PRKCE: variants seen among roughly 807,000 people sequenced by gnomAD.
PRKCE encodes protein kinase C epsilon, also known as protein kinase C epsilon type.
PRKCE carries 16 observed loss-of-function variants against 85.4 expected under a neutral mutation model. The ratio of observed to expected loss-of-function variants is 0.19; its 90% CI spans 0.13 to 0.28. The LOEUF (loss-of-function observed/expected upper bound fraction) is 0.28, where lower values mean the gene tolerates loss of function less well. Ranked by LOEUF, PRKCE falls within the 10% of genes least tolerant of loss-of-function variation. PRKCE has a pLI of 1.00. For missense variants in PRKCE, 573 were observed against 975.2 expected (o/e 0.59, Z 5.49); for synonymous variants, 388 against 371.5 (o/e 1.04, Z -0.51).
intron 9 of PRKCE, 85 bp downstream of exon 9, chr2:46,007,746 A>C: frequency 7.1e-7 from 1 of 1,408,252 alleles, no homozygotes; most frequent in Non-Finnish European, 9.6e-7. Flanking sequence ...TTGAGAGAGG[A>C]ACCTTTCAGC....
chr2:46,114,293 G>A (rs183166368), intron 11 of PRKCE, among the ~76,000 whole-genome samples: 15 of 151,912 alleles, frequency 9.9e-5, no homozygotes, highest in Non-Finnish European at 1.9e-4. Context: ...AGTGTCCAGC[G>A]ATCAGGGGGG....
At chr2:45,754,130 A>G (rs998946262) in intron 1 of PRKCE, among the ~76,000 whole-genome samples, 3 of 152,144 alleles carry the variant, frequency 2.0e-5, no homozygotes, top group Admixed American at 2.0e-4. Context: ...GCAACAAGTG[A>G]CCCAGAGCTG....
chr2:45,796,179 C>G (rs1253802900), intron 1 of PRKCE, among the ~76,000 whole-genome samples: 1 of 152,142 alleles, frequency 6.6e-6, no homozygotes, highest in Non-Finnish European at 1.5e-5. Flanking sequence ...ATGCCTGCCC[C>G]AGTTAGTTGT....
At chr2:45,716,697 AG>A (rs1680148854) in intron 1 of PRKCE, among the ~76,000 whole-genome samples, 3 of 110,096 alleles carry the variant, frequency 2.7e-5, no homozygotes, top group Non-Finnish European at 5.9e-5. Context: ...AAGAGAAGGA[AG>A]GAAGGAAGGA....
At chr2:45,667,165 G>A (rs1036336581) in intron 1 of PRKCE, among the ~76,000 whole-genome samples, 2 of 152,118 alleles carry the variant, frequency 1.3e-5, no homozygotes, top group Admixed American at 1.3e-4. Context: ...ACAAAAAGTA[G>A]CCGGATGTGG....
Position 45,905,392 on chromosome 2 carries a change from A to G in PRKCE, c.412+62329A>G, listed in dbSNP as rs1459311794. ...CAGCTTCTAAACATTATACATATTG[A>G]TGAGCTGATTGCTAGGAGACTAGTG... On this transcript the variant is annotated intron_variant, in intron 2 of 14. Coordinates refer to ENST00000306156, the MANE Select transcript of PRKCE (RefSeq NM_005400.3). This position sits in a 1 kb window ranked among gnomAD's most constrained non-coding sequence, Gnocchi z 4.4. 2.0e-5 allele frequency among the ~76,000 whole-genome samples: 3 copies of G among 152,250 alleles called. No individual in the cohort carries two copies. The highest frequency in any genetic ancestry group is 7.2e-5 in the African/African-American group (3 of 41,470).
At chr2:45,779,250 A>G (rs1004327553) in intron 1 of PRKCE, among the ~76,000 whole-genome samples, 15 of 152,238 alleles carry the variant, frequency 9.9e-5, no homozygotes, top group African/African-American at 3.6e-4. Flanking sequence ...GCTCCTGGCC[A>G]ACTTGTAGAG....
Position 45,687,486 on chromosome 2 carries a change from G to C in PRKCE, c.348+35038G>C, listed in dbSNP as rs625101. On this transcript the variant is annotated intron_variant, in intron 1 of 14. Coordinates refer to ENST00000306156, the MANE Select transcript of PRKCE (RefSeq NM_005400.3). Reference sequence around the variant, plus strand: ...CATAATGGGAACATAAATTGGAACAGCTTCTACAGTGGGTGTTTTGATAAT... The same window carrying C: ...CATAATGGGAACATAAATTGGAACACCTTCTACAGTGGGTGTTTTGATAAT... Among the ~76,000 whole-genome samples, 9 of 152,024 alleles carry C rather than the reference G, an allele frequency of 5.9e-5. 1 individual carries two copies. The highest frequency in any genetic ancestry group is 1.9e-4 in the African/African-American group (8 of 41,396).
chr2:45,668,322 A>G (rs1471110526), intron 1 of PRKCE, among the ~76,000 whole-genome samples: 3 of 152,226 alleles, frequency 2.0e-5, no homozygotes. Flanking sequence ...CCTGGGTGAG[A>G]AAAGTGCTTG....
intron 2 of PRKCE, among the ~76,000 whole-genome samples, chr2:45,949,610 A>C (rs1573993090): frequency 6.6e-6 from 1 of 150,606 alleles, no homozygotes; most frequent in South Asian, 2.1e-4. Flanking sequence ...CTGTTTAATA[A>C]ATCTTCCCCT....
chr2:46,147,774 T>C (rs1676225949), intron 12 of PRKCE, among the ~76,000 whole-genome samples: 2 of 152,308 alleles, frequency 1.3e-5, no homozygotes, highest in South Asian at 4.2e-4. Flanking sequence ...GTTATCATCA[T>C]TGTTGGGTTG....
In PRKCE at chr2:46,145,078, T is replaced by C. The variant is rs758296190; in HGVS notation, c.1593-15T>C. ...GAGTGACGTATTGACATTATGGTCCTGGCCTATCTTGCAGGGATTTGAAAC... is the reference window on the plus strand; with the variant it reads ...GAGTGACGTATTGACATTATGGTCCCGGCCTATCTTGCAGGGATTTGAAAC... On this transcript the variant is annotated splice_polypyrimidine_tract_variant and intron_variant, in intron 11 of 14. Transcript: ENST00000306156. The surrounding 1 kb of genome is among the most constrained non-coding windows in gnomAD (Gnocchi z 4.6). 3 of 1,599,612 alleles carry C rather than the reference T, an allele frequency of 1.9e-6. No individual in the cohort carries two copies. The highest frequency in any genetic ancestry group is 2.5e-6 in the Non-Finnish European group (3 of 1,179,940).
chr2:45,705,279 G>A (rs1572999743), intron 1 of PRKCE, among the ~76,000 whole-genome samples: 2 of 152,350 alleles, frequency 1.3e-5, no homozygotes. Context: ...GTGGGGAGAA[G>A]CAGCAGGCTT....
At chr2:45,894,728 C>T (rs1695998809) in intron 2 of PRKCE, among the ~76,000 whole-genome samples, 2 of 152,068 alleles carry the variant, frequency 1.3e-5, no homozygotes, top group African/African-American at 4.8e-5. Flanking sequence ...TTGTGTTTTT[C>T]ATTTGTTTGT....
At chr2:45,912,537 T>A (rs1268062183) in intron 2 of PRKCE, among the ~76,000 whole-genome samples, 1 of 152,140 alleles carries the variant, frequency 6.6e-6, no homozygotes, top group Non-Finnish European at 1.5e-5. Flanking sequence ...GGCTCACAGC[T>A]GGAGCCTTCA....
chr2:45,736,047 G>A (rs1338416176), intron 1 of PRKCE, among the ~76,000 whole-genome samples: 26 of 152,030 alleles, frequency 1.7e-4, no homozygotes, highest in Admixed American at 1.6e-3. Context: ...TGCAACATCC[G>A]CCTCCTGGGT....
chr2:45,739,238 G>A (rs1682346019), intron 1 of PRKCE, among the ~76,000 whole-genome samples: 1 of 152,250 alleles, frequency 6.6e-6, no homozygotes, highest in Non-Finnish European at 1.5e-5. Flanking sequence ...TTGGTCCACT[G>A]CTGTGGCTGG....
intron 1 of PRKCE, among the ~76,000 whole-genome samples, chr2:45,731,782 C>G (rs1237991217): frequency 6.6e-6 from 1 of 151,990 alleles, no homozygotes; most frequent in Admixed American, 6.6e-5. Context: ...TGCCACCACA[C>G]CTGGCTAGAA....
chr2:45,901,788 T>C (rs1696599334), intron 2 of PRKCE, among the ~76,000 whole-genome samples: 1 of 152,234 alleles, frequency 6.6e-6, no homozygotes, highest in Non-Finnish European at 1.5e-5. Flanking sequence ...GAAATGCAGT[T>C]GAATTCTTGG....
Sources: gnomAD v4.1 joint callset for allele counts (sites outside exome capture counted in the v4.1 genomes callset) on GRCh38, gnomAD v4.1.1 for gene constraint, Gnocchi (gnomAD v3.1) non-coding constraint, MANE v1.5 for transcripts, NCBI Gene and HGNC (gene_info 2026-07-23, HGNC 2026-07-21) for gene names.